Variants in WWOX observed in about 807,000 individuals in gnomAD.
The protein encoded by WWOX is WW domain containing oxidoreductase.
WWOX carries 69 observed loss-of-function variants against 46.2 expected under a neutral mutation model. The observed-to-expected ratio is 1.49, with a 90% CI of 1.23 to 1.82. The LOEUF is 1.82. WWOX is among the 40% of genes most tolerant of loss of function. The pLI is 0.00. For synonymous variants in WWOX, 359 were observed against 202.6 expected, an observed-to-expected ratio of 1.77 and a Z score of -6.56; for missense variants, 919 against 542.6, an observed-to-expected ratio of 1.69 and a Z score of -6.89.
intron 8 of WWOX, among the ~76,000 whole-genome samples, chr16:79,202,189 T>C (rs1017933758): frequency 6.6e-6 from 1 of 152,170 alleles, no homozygotes; most frequent in African/African-American, 2.4e-5. Context: ...GAGCCTAAAT[T>C]ACTTAATCTC....
At chr16:78,251,228 T>G (rs945111653) in intron 5 of WWOX, among the ~76,000 whole-genome samples, 10 of 152,154 alleles carry the variant, frequency 6.6e-5, no homozygotes, top group Non-Finnish European at 1.3e-4. Context: ...ACTTTTGTTT[T>G]TTACCCAGTT....
chr16:78,288,539 C>G (rs1267539567), intron 5 of WWOX, among the ~76,000 whole-genome samples: 1 of 152,140 alleles, frequency 6.6e-6, no homozygotes, highest in African/African-American at 2.4e-5. Context: ...AAATATATTT[C>G]TTGCCTCTCT....
chr16:78,364,273 C>T (rs189614059), intron 5 of WWOX, among the ~76,000 whole-genome samples: 1 of 152,338 alleles, frequency 6.6e-6, no homozygotes, highest in East Asian at 1.9e-4. Context: ...AGTTACTCTA[C>T]TCTCCTGATA....
At chr16:79,057,093 C>G (rs2048276973) in intron 8 of WWOX, among the ~76,000 whole-genome samples, 1 of 152,160 alleles carries the variant, frequency 6.6e-6, no homozygotes, top group Non-Finnish European at 1.5e-5. Flanking sequence ...AGAGCTTAAC[C>G]CACTAATCTG....
intron 8 of WWOX, among the ~76,000 whole-genome samples, chr16:79,085,222 G>C (rs942751853): frequency 6.6e-6 from 1 of 152,108 alleles, no homozygotes; most frequent in African/African-American, 2.4e-5. Context: ...ACTTGACTCT[G>C]TTGGGAGCTA....
At chr16:78,133,334 C>T (rs189455034) in intron 4 of WWOX, among the ~76,000 whole-genome samples, 4 of 152,332 alleles carry the variant, frequency 2.6e-5, no homozygotes, top group Admixed American at 6.5e-5. Flanking sequence ...AATCTCGGCT[C>T]AGTGCAAGGT....
intron 8 of WWOX, among the ~76,000 whole-genome samples, chr16:78,682,776 GC>G (rs2047760479): frequency 1.3e-5 from 2 of 152,158 alleles, no homozygotes. Context: ...GTAATTTGGA[GC>G]CAGTACTTCT....
intron 8 of WWOX, among the ~76,000 whole-genome samples, chr16:78,960,632 C>A (rs1205244251): frequency 6.6e-6 from 1 of 152,222 alleles, no homozygotes; most frequent in East Asian, 1.9e-4. Context: ...TCTCTACCTT[C>A]AAGGTTCTCA....
At chr16:79,190,709 C>T (rs1245087014) in intron 8 of WWOX, among the ~76,000 whole-genome samples, 1 of 152,106 alleles carries the variant, frequency 6.6e-6, no homozygotes, top group Non-Finnish European at 1.5e-5. Flanking sequence ...TGGACCAAAT[C>T]CTGCCTGCTG....
Position 78,261,756 on chromosome 16 carries a change from C to G in WWOX, c.516+97467C>G, listed in dbSNP as rs187925761. Among the ~76,000 whole-genome samples, 117 of 83,100 alleles carry G rather than the reference C, an allele frequency of 1.4e-3. 1 individual carries two copies. Among genetic ancestry groups the G allele is most frequent in the Non-Finnish European group, 2.0e-3 (93 of 46,486 alleles). 54.5% of individuals were successfully genotyped at this position (83,100 alleles called of 152,430 possible). On this transcript the variant is annotated intron_variant, in intron 5 of 8. Transcript: ENST00000566780. ...TTGCCATGTGTGTGTGTGTGTCTGTCTATCTATCTATCTATGTATCTATCT... is the reference window on the plus strand; with the variant it reads ...TTGCCATGTGTGTGTGTGTGTCTGTGTATCTATCTATCTATGTATCTATCT...
At chr16:79,045,446 C>T (rs573607290) in intron 8 of WWOX, among the ~76,000 whole-genome samples, 1 of 152,280 alleles carries the variant, frequency 6.6e-6, no homozygotes, top group South Asian at 2.1e-4. Flanking sequence ...AGGATACTCT[C>T]AGGAAATGGG....
At chr16:78,786,213 A>G (rs1229035651) in intron 8 of WWOX, among the ~76,000 whole-genome samples, 1 of 152,204 alleles carries the variant, frequency 6.6e-6, no homozygotes, top group Non-Finnish European at 1.5e-5. Context: ...CCTGGCCTGA[A>G]TTAATATTTT....
At chr16:78,900,181 G>T (rs1026790387) in intron 8 of WWOX, among the ~76,000 whole-genome samples, 3 of 151,392 alleles carry the variant, frequency 2.0e-5, no homozygotes, top group African/African-American at 7.3e-5. Context: ...TGCCAGAGTA[G>T]GGTGTAAACC....
intron 8 of WWOX, among the ~76,000 whole-genome samples, chr16:78,829,112 A>G (rs1391371408): frequency 6.6e-6 from 1 of 151,952 alleles, no homozygotes; most frequent in East Asian, 1.9e-4. Context: ...GGATGGATGG[A>G]TGGATGGATG....
At chr16:79,165,794 C>T (rs1464944687) in intron 8 of WWOX, among the ~76,000 whole-genome samples, 1 of 152,208 alleles carries the variant, frequency 6.6e-6, no homozygotes, top group East Asian at 1.9e-4. Flanking sequence ...GGCTTGGCTT[C>T]TCCGAGTCAG....
chr16:78,269,082 T>G (rs2079424484), intron 5 of WWOX: 1 of 152,210 alleles, frequency 6.6e-6, no homozygotes, highest in African/African-American at 2.4e-5. Flanking sequence ...CAGGCTAGTA[T>G]GTACAGCTTT....
At chr16:78,445,838 A>C (rs1384195243) in intron 8 of WWOX, among the ~76,000 whole-genome samples, 1 of 143,218 alleles carries the variant, frequency 7.0e-6, no homozygotes, top group Non-Finnish European at 1.5e-5. Flanking sequence ...AGATCGTGCC[A>C]CTGTACTCCA....
chr16:78,612,624 A>G (rs1257740637), intron 8 of WWOX, among the ~76,000 whole-genome samples: 1 of 152,012 alleles, frequency 6.6e-6, no homozygotes, highest in Non-Finnish European at 1.5e-5. Flanking sequence ...GTTGTGCACT[A>G]CCACACCTGG....
At chr16:78,313,180 C>T (rs576268718) in intron 5 of WWOX, among the ~76,000 whole-genome samples, 2 of 152,292 alleles carry the variant, frequency 1.3e-5, no homozygotes, top group South Asian at 2.1e-4. Context: ...GGAAATCAGA[C>T]ATCTTAGACT....
Sources: gnomAD v4.1 joint callset for allele counts (sites outside exome capture counted in the v4.1 genomes callset) on GRCh38, gnomAD v4.1.1 for gene constraint, MANE v1.5 for transcripts, NCBI Gene and HGNC (gene_info 2026-07-23, HGNC 2026-07-21) for gene names.